Variants in POT1 observed in about 807,000 individuals in gnomAD.
POT1 encodes protection of telomeres 1, also known as protection of telomeres protein 1.
Under a neutral mutation model 78.5 loss-of-function variants are expected in POT1, and 47 were observed. That is an observed-to-expected ratio of 0.60 (90% CI 0.47 to 0.76). POT1 has a LOEUF of 0.76. POT1 is among the 30% of genes least tolerant of loss of function. POT1 has a pLI of 0.00. For synonymous variants in POT1, 259 were observed against 260.7 expected (o/e 0.99, Z 0.06); for missense variants, 646 against 749.9 (o/e 0.86, Z 1.62).
At chr7:124,840,142 G>A (rs1466997050) in intron 14 of POT1, among the ~76,000 whole-genome samples, 3 of 151,762 alleles carry the variant, frequency 2.0e-5, no homozygotes, top group African/African-American at 4.8e-5. Context: ...TGTTAAAAAT[G>A]AACCTATACT....
chr7:124,827,190 ATCTT>A lies in POT1; in HGVS notation c.1686+20_1686+23del. The A allele has an allele frequency of 7.7e-7, 1 of 1,292,662 alleles. No homozygotes were observed. The highest frequency in any genetic ancestry group is 2.5e-5 in the East Asian group (1 of 39,332). 80.1% of individuals were successfully genotyped at this position (1,292,662 alleles called of 1,614,324 possible). ...TAAATATTATTTTTTAATTAAAAAT[ATCTT>A]TATTACCTCTGATACTTACAGAATC... On this transcript the variant is annotated intron_variant, in intron 17 of 18. Coordinates refer to ENST00000357628, the MANE Select transcript of POT1 (RefSeq NM_015450.3).
rs570235997 is a variant in POT1, at chr7:124,917,035, G to GA, written c.-226-1390dup. Reference sequence around the variant, plus strand: ...CCACTGCAGCTGGAAGGCAAGAACAGAAAAAAACACCTTCTATCCCTGTTA... The same window carrying GA: ...CCACTGCAGCTGGAAGGCAAGAACAGAAAAAAAACACCTTCTATCCCTGTTA... On this transcript the variant is annotated intron_variant, in intron 2 of 18. Transcript: ENST00000357628. Among the ~76,000 whole-genome samples the GA allele has an allele frequency of 3.3e-4, 50 of 152,110 alleles. 1 individual carries two copies. The East Asian group carries it at 6.0e-3, about 18-fold the overall frequency.
rs148091643 is a variant in POT1 at position 124,842,850 on chromosome 7, G to A, written c.1120C>T (p.Leu374=). The change falls in exon 13 of 19, where the codon CTA becomes TTA. Residue 374 remains leucine (L), a synonymous_variant. Transcript: ENST00000357628. ...AKLRSYKPRR[L]FQSVKLHCPK... The stretch of plus-strand genomic sequence containing the variant: ...CAATGAAGTTTAACAGACTGAAATA[G>A]TCTTCTGGGCTTATATGACCTCAAT... 8.7e-6 allele frequency: 14 copies of A among 1,603,986 alleles called. No homozygotes were observed. The highest frequency in any genetic ancestry group is 1.2e-5 in the Non-Finnish European group (14 of 1,177,680).
chr7:124,827,158 A>G, intron 17 of POT1, 56 bp downstream of exon 17: 1 of 1,058,354 alleles, frequency 9.4e-7, no homozygotes, highest in Non-Finnish European at 1.3e-6. Flanking sequence ...AAATGTATTC[A>G]ATTTTTTAAA....
intron 12 of POT1, among the ~76,000 whole-genome samples, chr7:124,844,657 C>T (rs1795119931): frequency 6.9e-6 from 1 of 144,420 alleles, no homozygotes; most frequent in Non-Finnish European, 1.5e-5. Flanking sequence ...ATGGCGTGAA[C>T]CCGGAAGGCA....
chr7:124,905,485 A>T (rs977466042), intron 3 of POT1, among the ~76,000 whole-genome samples: 8 of 152,144 alleles, frequency 5.3e-5, no homozygotes, highest in Non-Finnish European at 7.4e-5. Context: ...TTAATTAAAG[A>T]TGGATTAAAG....
chr7:124,850,493 C>A (rs550064286), intron 11 of POT1, among the ~76,000 whole-genome samples: 2 of 152,036 alleles, frequency 1.3e-5, no homozygotes, highest in East Asian at 1.9e-4. Context: ...TTTGGGAGCC[C>A]GAGGCGGGCG....
At chr7:124,919,387 T>C (rs550550990) in intron 2 of POT1, among the ~76,000 whole-genome samples, 1 of 152,286 alleles carries the variant, frequency 6.6e-6, no homozygotes, top group African/African-American at 2.4e-5. Context: ...TTAGTATAGA[T>C]ATAAAAAATG....
At chr7:124,847,705 G>A (rs1475614056) in intron 11 of POT1, among the ~76,000 whole-genome samples, 1 of 152,170 alleles carries the variant, frequency 6.6e-6, no homozygotes, top group Admixed American at 6.5e-5. Context: ...TTGAAAAATA[G>A]ATCAACTGAA....
intron 9 of POT1, among the ~76,000 whole-genome samples, chr7:124,856,097 C>T (rs2116515452): frequency 6.6e-6 from 1 of 152,222 alleles, no homozygotes; most frequent in Admixed American, 6.5e-5. Context: ...TCTATAATTG[C>T]ATTATACTGT....
intron 6 of POT1, among the ~76,000 whole-genome samples, chr7:124,875,820 A>C (rs1795977925): frequency 6.6e-6 from 1 of 152,220 alleles, no homozygotes; most frequent in African/African-American, 2.4e-5. Context: ...ATTTCACCAT[A>C]CGTTATTCTG....
At chr7:124,905,217 C>T (rs111462622) in intron 3 of POT1, among the ~76,000 whole-genome samples, 2,196 of 152,294 alleles carry the variant, frequency 0.014, 58 homozygotes, top group African/African-American at 0.048. Flanking sequence ...ATCACACTAC[C>T]TGACTCCAAA....
chr7:124,924,156 C>A (rs866373381), intron 2 of POT1, among the ~76,000 whole-genome samples: 59 of 123,352 alleles, frequency 4.8e-4, no homozygotes, highest in South Asian at 1.6e-3. Context: ...AACAAAAATC[C>A]AAAAAAAAAA....
Position 124,892,352 on chromosome 7 carries a change from G to A in POT1, c.38C>T (p.Pro13Leu). Residue 13 changes from proline (P) to leucine (L), a missense_variant, in exon 6 of 19, where the codon CCC becomes CTC. This residue lies in a region of POT1 where 252 missense variants were observed against 341.4 expected (regional missense o/e 0.74). Coordinates refer to ENST00000357628, the MANE Select transcript of POT1 (RefSeq NM_015450.3). ...LVPATNYIYT[P>L]LNQLKGGTIV... ...TGTACCACCCTTAAGTTGATTCAGGGGTGTATATATATAATTTGTTGCTGG... is the reference window on the plus strand; with the variant it reads ...TGTACCACCCTTAAGTTGATTCAGGAGTGTATATATATAATTTGTTGCTGG... The A allele has an allele frequency of 6.7e-7, 1 of 1,500,656 alleles. No individual in the cohort carries two copies. Among genetic ancestry groups the A allele is most frequent in the Non-Finnish European group, 8.8e-7 (1 of 1,131,484 alleles). The allele number at this position is 1,500,656 out of a possible 1,614,324, so 93.0% of individuals were successfully genotyped here. A position where few individuals can be genotyped will look rare whatever the true frequency, so the allele number is the denominator to read the frequency against.
At chr7:124,861,410 G>C (rs1795593642) in intron 8 of POT1, among the ~76,000 whole-genome samples, 1 of 152,160 alleles carries the variant, frequency 6.6e-6, no homozygotes, top group Non-Finnish European at 1.5e-5. Context: ...CTTCTTTTGA[G>C]AAGTGTCTGT....
chr7:124,904,965 T>C (rs1204841342), intron 3 of POT1, among the ~76,000 whole-genome samples: 1 of 152,156 alleles, frequency 6.6e-6, no homozygotes, highest in East Asian at 1.9e-4. Context: ...CAAGGAGAAC[T>C]ACAAATCACT....
intron 17 of POT1, among the ~76,000 whole-genome samples, chr7:124,825,994 C>T (rs1306729706): frequency 2.0e-5 from 3 of 152,136 alleles, no homozygotes; most frequent in African/African-American, 7.2e-5. Context: ...TCTCTAAGCC[C>T]TTTCTATGTC....
At chr7:124,867,781 G>T (rs1290542975) in intron 7 of POT1, among the ~76,000 whole-genome samples, 2 of 152,080 alleles carry the variant, frequency 1.3e-5, no homozygotes, top group Admixed American at 6.5e-5. Context: ...TGAGTAAGCT[G>T]TGACTACAAG....
At chr7:124,858,085 G>A (rs988002414) in intron 9 of POT1, among the ~76,000 whole-genome samples, 1 of 152,124 alleles carries the variant, frequency 6.6e-6, no homozygotes, top group African/African-American at 2.4e-5. Flanking sequence ...TGAAGCGGCT[G>A]CCTAGTTCCA....
Sources: allele counts gnomAD v4.1 joint callset (sites outside exome capture counted in the v4.1 genomes callset), GRCh38; gene constraint gnomAD v4.1.1; regional missense constraint gnomAD v4.1.1; transcripts MANE v1.5; gene names NCBI Gene and HGNC (gene_info 2026-07-23, HGNC 2026-07-21).